Variants in E2F4 observed in about 807,000 individuals in gnomAD.
E2F4 encodes E2F transcription factor 4, also known as transcription factor E2F4.
Under a neutral mutation model 44.5 loss-of-function variants are expected in E2F4, and 16 were observed. The ratio of observed to expected loss-of-function variants is 0.36; its 90% confidence interval spans 0.24 to 0.55. The LOEUF is 0.55. Ranked by LOEUF, E2F4 falls within the 20% of genes least tolerant of loss-of-function variation. The pLI, the probability that E2F4 is intolerant of heterozygous loss-of-function variation, is 0.87. For synonymous variants in E2F4, 242 were observed against 207.2 expected (o/e 1.17, Z -1.44); for missense variants, 473 against 522.1 (o/e 0.91, Z 0.92).
chr16:67,194,318 C>T (rs2032932985), intron 4 of E2F4, 80 bp from the exon 5 acceptor site: 2 of 1,512,530 alleles, frequency 1.3e-6, no homozygotes, highest in Non-Finnish European at 1.8e-6. Flanking sequence ...GATCTCCTGC[C>T]TTGCTCCAAA....
chr16:67,198,370 G>T lies in E2F4; in HGVS notation c.*247G>T. 2.0e-6 allele frequency: 1 copy of T among 497,974 alleles called. No homozygotes were observed. Among genetic ancestry groups the T allele is most frequent in the South Asian group, 2.3e-5 (1 of 43,980 alleles). 30.8% of individuals were successfully genotyped at this position (497,974 alleles called of 1,614,324 possible). On this transcript the variant is annotated 3_prime_UTR_variant, in exon 10 of 10. Transcript: ENST00000379378. ...CCAAAGTGTTTGCTTCTCCCTTTCT[G>T]CGGCCTTCGCCAGCCCAGGCTCGGC... is the stretch of plus-strand genomic sequence containing the variant.
At chr16:67,195,038 G>A (rs565176275) in intron 6 of E2F4, 58 bp downstream of exon 6, 32 of 1,566,262 alleles carry the variant, frequency 2.0e-5, no homozygotes, top group Non-Finnish European at 2.8e-5. Context: ...CTGTGTTGTG[G>A]AACACCATGC....
Position 67,197,580 on chromosome 16 carries a change from T to A in E2F4, c.1034-19T>A. 1 of 1,614,126 alleles carries A rather than the reference T, an allele frequency of 6.2e-7. No homozygotes were observed. The highest frequency in any genetic ancestry group is 1.6e-4 in the Middle Eastern group (1 of 6,062). ...AGGCTGGACCTCTGTGCCCTGAGCA[T>A]GGCTTTCTTGTTTTTCAGTTTTGGA... On this transcript the variant is annotated intron_variant, in intron 7 of 9. Transcript: ENST00000379378.
chr16:67,192,485 C>A, intron 1 of E2F4, 123 bp downstream of exon 1: 1 of 1,302,414 alleles, frequency 7.7e-7, no homozygotes, highest in Non-Finnish European at 1.0e-6. Flanking sequence ...TGCTTTCTCA[C>A]AGGAGAGAAG....
chr16:67,198,904 C>A lies in E2F4; in HGVS notation c.*781C>A. 1.8e-6 allele frequency: 1 copy of A among 550,504 alleles called. No homozygotes were observed. Among genetic ancestry groups the A allele is most frequent in the Non-Finnish European group, 3.2e-6 (1 of 309,562 alleles). The allele number at this position is 550,504 out of a possible 1,614,324, so 34.1% of individuals were successfully genotyped here. On this transcript the variant is annotated 3_prime_UTR_variant, in exon 10 of 10. Coordinates refer to ENST00000379378, the MANE Select transcript of E2F4 (RefSeq NM_001950.4). ...TGTACAGTGTTCAAGTGAATAAAAA[C>A]CATGCCTAAGGCTAGCTCTGATGTG...
At chr16:67,195,638 C>T (rs2032954725) in intron 6 of E2F4, 144 bp from the exon 7 acceptor site, 14 of 1,485,710 alleles carry the variant, frequency 9.4e-6, no homozygotes, top group Middle Eastern at 2.1e-4. Flanking sequence ...CAGGTTACTT[C>T]CTCTGGGGGT....
At chr16:67,193,342 C>A in intron 3 of E2F4, 130 bp from the exon 4 acceptor site, 1 of 1,489,028 alleles carries the variant, frequency 6.7e-7, no homozygotes, top group Non-Finnish European at 9.4e-7. Flanking sequence ...GATCCCTCCC[C>A]CGGTGGACCT....
Position 67,198,316 on chromosome 16 carries a change from A to C in E2F4, c.*193A>C, listed in dbSNP as rs2033009154. ...CACTTCTGTGCTCGCAGAGCAGGGG[A>C]ACAGGACTCAGCCCCCATCACCGTG... is the stretch of plus-strand genomic sequence containing the variant. On this transcript the variant is annotated 3_prime_UTR_variant, in exon 10 of 10. Coordinates refer to ENST00000379378, the MANE Select transcript of E2F4 (RefSeq NM_001950.4). The C allele has an allele frequency of 1.7e-6, 1 of 596,424 alleles. No individual in the cohort carries two copies. Among genetic ancestry groups the C allele is most frequent in the Non-Finnish European group, 3.0e-6 (1 of 333,878 alleles). 36.9% of individuals were successfully genotyped at this position (596,424 alleles called of 1,614,324 possible). A position where few individuals can be genotyped will look rare whatever the true frequency, so the allele number is the denominator to read the frequency against.
intron 4 of E2F4, chr16:67,194,035 C>A: frequency 3.7e-6 from 1 of 268,610 alleles, no homozygotes. Context: ...TGGGTGTGAG[C>A]CACTGTGCCC....
Position 67,194,811 on chromosome 16 carries a change from A to G in E2F4, c.639A>G (p.Glu213=). The part of the protein sequence containing the change: ...PPVAVPVPPP[E]DLLQSPSAVS... Reference sequence around the variant, plus strand: ...TGGCTGTGCCTGTGCCACCACCTGAAGATTTGCTCCAGAGCCCATCTGCTG... The same window carrying G: ...TGGCTGTGCCTGTGCCACCACCTGAGGATTTGCTCCAGAGCCCATCTGCTG... The change falls in exon 6 of 10, where the codon GAA becomes GAG. Residue 213 remains glutamate (E), a synonymous_variant. Coordinates refer to ENST00000379378, the MANE Select transcript of E2F4 (RefSeq NM_001950.4). 1.2e-6 allele frequency: 2 copies of G among 1,614,170 alleles called. No homozygotes were observed. The highest frequency in any genetic ancestry group is 1.7e-6 in the Non-Finnish European group (2 of 1,180,012).
Position 67,194,997 on chromosome 16 carries a change from G to A in E2F4, c.808+17G>A. ...AGATCACAGGTGAGGCACCATGGGAGCTTGTGACAGAGGCCCAAGAGGTAG... is the reference window on the plus strand; with the variant it reads ...AGATCACAGGTGAGGCACCATGGGAACTTGTGACAGAGGCCCAAGAGGTAG... On this transcript the variant is annotated intron_variant, in intron 6 of 9. Coordinates refer to ENST00000379378, the MANE Select transcript of E2F4 (RefSeq NM_001950.4). 6.2e-7 allele frequency: 1 copy of A among 1,606,072 alleles called. No individual in the cohort carries two copies. The highest frequency in any genetic ancestry group is 8.5e-7 in the Non-Finnish European group (1 of 1,173,948).
chr16:67,192,553 T>C, intron 1 of E2F4, 191 bp downstream of exon 1: 1 of 1,033,628 alleles, frequency 9.7e-7, no homozygotes, highest in South Asian at 1.7e-5. Flanking sequence ...TGGGCCAGGC[T>C]CGGGCTGCAG....
At chr16:67,192,517 C>A in intron 1 of E2F4, 155 bp downstream of exon 1, 2 of 1,168,496 alleles carry the variant, frequency 1.7e-6, no homozygotes, top group Non-Finnish European at 1.1e-6. Context: ...TTCATTCATT[C>A]GGCCGAGGCC....
rs184513001 is a variant in E2F4, at chr16:67,197,526, C to A, written c.1034-73C>A. On this transcript the variant is annotated intron_variant, in intron 7 of 9. Transcript: ENST00000379378. Reference sequence around the variant, plus strand: ...GCCTCAGGGTGGGTGGTATAGGATCCGAGGAAGCCAGGGGGCTGTAGTGGG... The same window carrying A: ...GCCTCAGGGTGGGTGGTATAGGATCAGAGGAAGCCAGGGGGCTGTAGTGGG... 195 of 1,534,648 alleles carry A rather than the reference C, an allele frequency of 1.3e-4. No homozygotes were observed. In the African/African-American group the frequency reaches 2.2e-3, roughly 18 times the overall value.
chr16:67,197,731 A>C, intron 8 of E2F4, 85 bp downstream of exon 8: 2 of 1,600,272 alleles, frequency 1.2e-6, no homozygotes, highest in South Asian at 2.2e-5. Flanking sequence ...CCTTTTGAGG[A>C]CCTTGTTGTG....
rs1272814031 is a variant in E2F4, at chr16:67,195,825, C to T, written c.852C>T (p.Leu284=). 6.2e-7 allele frequency: 1 copy of T among 1,613,968 alleles called. No individual in the cohort carries two copies. Among genetic ancestry groups the T allele is most frequent in the Non-Finnish European group, 8.5e-7 (1 of 1,180,026 alleles). The change falls in exon 7 of 10, where the codon CTC becomes CTT. Residue 284 remains leucine, a synonymous_variant. Transcript: ENST00000379378. ...CTGATAGCAAGGACAGTGGTGAGCTCAGTTCACTCCCACTGGGCCCAACAA... is the reference window on the plus strand; with the variant it reads ...CTGATAGCAAGGACAGTGGTGAGCTTAGTTCACTCCCACTGGGCCCAACAA... ...PGTDSKDSGE[L]SSLPLGPTTL... is the part of the protein sequence containing the mutation.
At chr16:67,194,662 C>T (rs369048953) in intron 5 of E2F4, 24 bp from the exon 6 acceptor site, 1 of 1,603,534 alleles carries the variant, frequency 6.2e-7, no homozygotes, top group Non-Finnish European at 8.5e-7. Context: ...TACCCATCTC[C>T]CATCCCTTAC....
chr16:67,192,972 C>A (rs374700548), intron 2 of E2F4, 37 bp from the exon 3 acceptor site: 2 of 1,560,450 alleles, frequency 1.3e-6, no homozygotes, highest in Non-Finnish European at 1.7e-6. Context: ...ACCCAGAGTT[C>A]TCAGCAGTCC....
At position 67,192,824 on chromosome 16, in the gene E2F4, G is replaced by A; in HGVS notation, c.199G>A (p.Gly67Ser). Residue 67 changes from glycine (G) to serine (S), a missense_variant, in exon 2 of 10, where the codon GGT (glycine) becomes AGT (serine). Transcript: ENST00000379378. Reference sequence around the variant, plus strand: ...TTACGACATTACCAATGTTTTGGAAGGTATCGGGCTAATCGAGAAAAAGTC... The same window carrying A: ...TTACGACATTACCAATGTTTTGGAAAGTATCGGGCTAATCGAGAAAAAGTC... ...RIYDITNVLE[G>S]IGLIEKKSKN... 1 of 1,613,084 alleles carries A rather than the reference G, an allele frequency of 6.2e-7. No homozygotes were observed.
Sources: gnomAD v4.1 joint callset for allele counts on GRCh38, gnomAD v4.1.1 for gene constraint, MANE v1.5 for transcripts, NCBI Gene and HGNC (gene_info 2026-07-23, HGNC 2026-07-21) for gene names.